Variants in ACAD9 observed in about 807,000 individuals in gnomAD.
The protein encoded by ACAD9 is acyl-CoA dehydrogenase family member 9, also known as complex I assembly factor ACAD9, mitochondrial.
A neutral mutation model predicts 70.2 loss-of-function variants in ACAD9; 53 were observed. The observed-to-expected ratio is 0.75, with a 90% CI of 0.61 to 0.95. The LOEUF is 0.95. Among genes scored for constraint, ACAD9 ranks in the 40% least tolerant of loss-of-function variants. The pLI, the probability that ACAD9 is intolerant of heterozygous loss-of-function variation, is 0.00. For missense variants in ACAD9, 777 were observed against 802.8 expected, an observed-to-expected ratio of 0.97 and a Z score of 0.39; for synonymous variants, 313 against 312.1, an observed-to-expected ratio of 1.00 and a Z score of -0.03.
chr3:128,911,301 G>T (rs182969214), intron 17 of ACAD9, among the ~76,000 whole-genome samples: 1 of 152,174 alleles, frequency 6.6e-6, no homozygotes, highest in East Asian at 1.9e-4. Context: ...CAGGTGATCT[G>T]CCTGCCTCAG....
At chr3:128,890,698 T>G (rs1935395718) in intron 2 of ACAD9, among the ~76,000 whole-genome samples, 1 of 151,810 alleles carries the variant, frequency 6.6e-6, no homozygotes, top group African/African-American at 2.4e-5. Context: ...CAAGACTCCA[T>G]CTCAAAAGAA....
At chr3:128,883,992 G>A (rs565513831) in intron 1 of ACAD9, among the ~76,000 whole-genome samples, 2 of 152,338 alleles carry the variant, frequency 1.3e-5, no homozygotes, top group East Asian at 1.9e-4. Context: ...CAAAGCTCAT[G>A]TCATGCTGGC....
chr3:128,904,168 CTG>C (rs769347870), intron 10 of ACAD9, 36 bp downstream of exon 10: 2 of 1,607,456 alleles, frequency 1.2e-6, no homozygotes, highest in South Asian at 1.1e-5. Context: ...GTGCATTTCA[CTG>C]TGTGACATGA....
intron 7 of ACAD9, 33 bp from the exon 8 acceptor site, chr3:128,901,243 G>T (rs543954032): frequency 6.2e-7 from 1 of 1,605,498 alleles, no homozygotes; most frequent in East Asian, 2.2e-5. Context: ...GGTTTGCATT[G>T]TCAGATGATA....
At chr3:128,892,139 G>A (rs1935438503) in intron 2 of ACAD9, among the ~76,000 whole-genome samples, 1 of 152,166 alleles carries the variant, frequency 6.6e-6, no homozygotes, top group South Asian at 2.1e-4. Context: ...TGGACAGATG[G>A]ATCGATCACA....
At chr3:128,909,751 G>A in intron 15 of ACAD9, 1 of 606,556 alleles carries the variant, frequency 1.6e-6, no homozygotes, top group East Asian at 2.8e-5. Context: ...GAAGGTGGCA[G>A]TAGCACAGTA....
chr3:128,902,676 C>A lies in ACAD9; in HGVS notation c.958+48C>A. The A allele has an allele frequency of 6.3e-7, 1 of 1,595,104 alleles. No individual in the cohort carries two copies. The highest frequency in any genetic ancestry group is 1.1e-5 in the South Asian group (1 of 89,956). On this transcript the variant is annotated intron_variant, in intron 9 of 17. Transcript: ENST00000308982. This position sits in a 1 kb window ranked among gnomAD's most constrained non-coding sequence, Gnocchi z 4.0. ...CCTTTGTGCCCCACCCCCTGCTGCC[C>A]CGGCTCCAACCCTGGAGGCTCTGCC...
At chr3:128,907,109 A>G (rs1935915746) in intron 12 of ACAD9, among the ~76,000 whole-genome samples, 1 of 152,098 alleles carries the variant, frequency 6.6e-6, no homozygotes, top group Non-Finnish European at 1.5e-5. Flanking sequence ...GCATGGGTAT[A>G]CAGGAGGCAG....
chr3:128,891,093 C>T (rs976004197), intron 2 of ACAD9, among the ~76,000 whole-genome samples: 2 of 152,070 alleles, frequency 1.3e-5, no homozygotes, highest in African/African-American at 2.4e-5. Context: ...CCACCCGCCT[C>T]GGCCTAAAGT....
Position 128,899,372 on chromosome 3 carries a change from A to G in ACAD9, c.719A>G (p.Asp240Gly). ...EVVDSDGSVK[D>G]KITAFIVERD... ...GTTGATTCTGATGGATCAGTGAAAG[A>G]CAAAATCACAGCATTCATAGTAGAA... Residue 240 changes from aspartate to glycine, a missense_variant, in exon 7 of 18, where the codon GAC becomes GGC. Asp to Gly is a moderately conservative substitution (Grantham distance 94). Transcript: ENST00000308982. The G allele has an allele frequency of 6.2e-7, 1 of 1,614,294 alleles. No individual in the cohort carries two copies. Among genetic ancestry groups the G allele is most frequent in the Non-Finnish European group, 8.5e-7 (1 of 1,180,054 alleles).
chr3:128,911,571 G>C (rs980071918), intron 17 of ACAD9, among the ~76,000 whole-genome samples: 4 of 152,006 alleles, frequency 2.6e-5, no homozygotes, highest in African/African-American at 4.8e-5. Context: ...CTGAGTAGTT[G>C]GGATTATAGG....
At chr3:128,893,523 T>C (rs1334687757) in intron 2 of ACAD9, 32 bp from the exon 3 acceptor site, 3 of 1,481,026 alleles carry the variant, frequency 2.0e-6, no homozygotes, top group Non-Finnish European at 2.8e-6. Context: ...ACATAGCTTA[T>C]ATTTGTTTAA....
intron 3 of ACAD9, among the ~76,000 whole-genome samples, chr3:128,894,562 T>A (rs1935514422): frequency 7.1e-6 from 1 of 140,458 alleles, no homozygotes; most frequent in Non-Finnish European, 1.5e-5. Flanking sequence ...TGAGACAGGG[T>A]CTCACTCTGT....
chr3:128,906,688 G>C (rs1441572249), intron 12 of ACAD9, among the ~76,000 whole-genome samples: 3 of 152,202 alleles, frequency 2.0e-5, no homozygotes, highest in Non-Finnish European at 4.4e-5. Flanking sequence ...CAGGGTAATA[G>C]AGCGCGCCAG....
chr3:128,899,523 G>GGTGTGTGT lies in ACAD9; in HGVS notation c.808+95_808+102dup, dbSNP rs63473460. The GGTGTGTGT allele has an allele frequency of 6.3e-3, 6,683 of 1,067,564 alleles. 37 individuals are homozygous for GGTGTGTGT. Among genetic ancestry groups the GGTGTGTGT allele is most frequent in the East Asian group, 0.022 (778 of 35,370 alleles). The allele number at this position is 1,067,564 out of a possible 1,614,324, so 66.1% of individuals were successfully genotyped here. ...TGTAAGGGGGAGACTGGCCTTTGACGGTGTGTGTGTGTGTGTGTGTGTGTG... is the reference window on the plus strand; with the variant it reads ...TGTAAGGGGGAGACTGGCCTTTGACGGTGTGTGTGTGTGTGTGTGTGTGTGTGTGTGTG... On this transcript the variant is annotated intron_variant, in intron 7 of 17. Coordinates refer to ENST00000308982, the MANE Select transcript of ACAD9 (RefSeq NM_014049.5).
In ACAD9 at chr3:128,902,905, G is replaced by A. The variant is rs1935782896; in HGVS notation, c.958+277G>A. ...GGGTGGGGATGGGGATTGGGGAATGGGCTGTCTGTCTGGAGTGAGAGGTTG... is the reference window on the plus strand; with the variant it reads ...GGGTGGGGATGGGGATTGGGGAATGAGCTGTCTGTCTGGAGTGAGAGGTTG... On this transcript the variant is annotated intron_variant, in intron 9 of 17. Coordinates refer to ENST00000308982, the MANE Select transcript of ACAD9 (RefSeq NM_014049.5). This position sits in a 1 kb window ranked among gnomAD's most constrained non-coding sequence, Gnocchi z 4.0. Among the ~76,000 whole-genome samples, 1 of 152,204 alleles carries A rather than the reference G, an allele frequency of 6.6e-6. No individual in the cohort carries two copies. Among genetic ancestry groups the A allele is most frequent in the African/African-American group, 2.4e-5 (1 of 41,454 alleles).
In ACAD9 at chr3:128,895,315, C is replaced by G; in HGVS notation, c.352C>G (p.Leu118Val). The stretch of plus-strand genomic sequence containing the variant: ...CGCTGGTCCATCTCTCCTAGGTGGC[C>G]TGGGCTTCTCCAACACCATGTACTC... ...GLQVPEEYGG[L>V]GFSNTMYSRL... Residue 118 changes from leucine (L) to valine (V), a missense_variant, in exon 4 of 18, where the codon CTG becomes GTG. By Grantham distance (32) the Leu-to-Val change is conservative. Transcript: ENST00000308982. The G allele has an allele frequency of 6.2e-7, 1 of 1,611,344 alleles. No individual in the cohort carries two copies. The highest frequency in any genetic ancestry group is 1.1e-5 in the South Asian group (1 of 90,324).
rs2107636655 is a variant in ACAD9, at chr3:128,879,625, A to T, written c.-67A>T. 6 of 1,557,120 alleles carry T rather than the reference A, an allele frequency of 3.9e-6. No homozygotes were observed. The East Asian group carries it at 1.4e-4, about 36-fold the overall frequency. The stretch of plus-strand genomic sequence containing the variant: ...TGTCGCGGGCCAGTAACGTCATCAG[A>T]CGTGTGTGTGTCCCTGCGGCGCTAA... On this transcript the variant is annotated 5_prime_UTR_variant, in exon 1 of 18. Transcript: ENST00000308982.
At chr3:128,908,413 T>G in intron 13 of ACAD9, 149 bp downstream of exon 13, 1 of 939,502 alleles carries the variant, frequency 1.1e-6, no homozygotes, top group Non-Finnish European at 1.7e-6. Context: ...TCCCCTGTGG[T>G]AGTGGGGGGC....
Sources: allele counts gnomAD v4.1 joint callset (sites outside exome capture counted in the v4.1 genomes callset), GRCh38; gene constraint gnomAD v4.1.1; non-coding constraint Gnocchi (gnomAD v3.1); transcripts MANE v1.5; gene names NCBI Gene and HGNC (gene_info 2026-07-23, HGNC 2026-07-21).